KATNAL1: variants seen among roughly 807,000 people sequenced by gnomAD.
KATNAL1 encodes katanin catalytic subunit A1 like 1.
KATNAL1 carries 32 observed loss-of-function variants against 55.2 expected under a neutral mutation model. That is an observed-to-expected ratio of 0.58 (90% CI 0.44 to 0.78). KATNAL1 has a LOEUF of 0.78. Among genes scored for constraint, KATNAL1 ranks in the 30% least tolerant of loss-of-function variants. KATNAL1 has a pLI of 0.00. For missense variants in KATNAL1, 466 were observed against 600.9 expected (o/e 0.78, Z 2.35); for synonymous variants, 193 against 193.6 (o/e 1.00, Z 0.02).
intron 3 of KATNAL1, among the ~76,000 whole-genome samples, chr13:30,277,046 T>C (rs910871887): frequency 6.6e-6 from 1 of 152,240 alleles, no homozygotes; most frequent in African/African-American, 2.4e-5. Flanking sequence ...AATTATTAGC[T>C]ATCATCCTTT....
At chr13:30,298,358 G>A (rs1345216178) in intron 1 of KATNAL1, among the ~76,000 whole-genome samples, 1 of 152,132 alleles carries the variant, frequency 6.6e-6, no homozygotes, top group Non-Finnish European at 1.5e-5. Flanking sequence ...TTTTATTGCT[G>A]AGTAGTATCC....
intron 3 of KATNAL1, among the ~76,000 whole-genome samples, chr13:30,265,615 A>G (rs1879700651): frequency 6.6e-6 from 1 of 152,046 alleles, no homozygotes; most frequent in Non-Finnish European, 1.5e-5. Flanking sequence ...TATGCAAAAA[A>G]TAAGTTTTTC....
At chr13:30,218,183 G>GATGTGAACTTGCAGTAAATT (rs1234615372) in intron 9 of KATNAL1, among the ~76,000 whole-genome samples, 6 of 140,028 alleles carry the variant, frequency 4.3e-5, no homozygotes, top group Non-Finnish European at 7.6e-5. Flanking sequence ...GGATACATAA[G>GATGTGAACTTGCAGTAAATT]ATGTGAACTT....
chr13:30,250,025 T>A (rs1878153973), intron 4 of KATNAL1, among the ~76,000 whole-genome samples: 3 of 152,208 alleles, frequency 2.0e-5, no homozygotes, highest in Admixed American at 2.0e-4. Context: ...TTACCTATTA[T>A]CTTGAGGTTC....
Position 30,208,582 on chromosome 13 carries a change from C to T in KATNAL1, c.1431G>A (p.Leu477=). The T allele has an allele frequency of 6.2e-7, 1 of 1,609,850 alleles. No individual in the cohort carries two copies. The highest frequency in any genetic ancestry group is 8.5e-7 in the Non-Finnish European group (1 of 1,178,010). The change falls in exon 11 of 11, where the codon TTG becomes TTA. Residue 477 remains leucine (L), a synonymous_variant. Transcript: ENST00000380615. ...CAACCATCCATTTTTCATACTTCTC[C>T]AAGTCTGCAGCAGAGACAGACTTAG... ...KIAKSVSAAD[L]EKYEKWMVEF... is the part of the protein sequence containing the mutation.
chr13:30,206,955 T>A lies in KATNAL1; in HGVS notation c.*1585A>T, dbSNP rs997405695. 6.6e-6 allele frequency: 1 copy of A among 152,194 alleles called. No homozygotes were observed. The highest frequency in any genetic ancestry group is 1.5e-5 in the Non-Finnish European group (1 of 68,030). The allele number at this position is 152,194 out of a possible 1,614,324, so 9.4% of individuals were successfully genotyped here. A position where few individuals can be genotyped will look rare whatever the true frequency, so the allele number is the denominator to read the frequency against. On this transcript the variant is annotated 3_prime_UTR_variant, in exon 11 of 11. Coordinates refer to ENST00000380615, the MANE Select transcript of KATNAL1 (RefSeq NM_032116.5). ...AAGAAGGGCAATTTACAGCATCAGA[T>A]GAATACTGGAGTTTAGGTCAGACTT...
chr13:30,220,078 G>A (rs1874693724), intron 9 of KATNAL1, among the ~76,000 whole-genome samples: 1 of 152,016 alleles, frequency 6.6e-6, no homozygotes, highest in Non-Finnish European at 1.5e-5. Context: ...TCCCTCCACT[G>A]GTATCAATTT....
intron 1 of KATNAL1, among the ~76,000 whole-genome samples, chr13:30,291,248 A>G (rs941167458): frequency 6.6e-6 from 1 of 152,264 alleles, no homozygotes; most frequent in Admixed American, 6.5e-5. Flanking sequence ...AGGTTGCAGC[A>G]TAAGAGGTCA....
intron 3 of KATNAL1, among the ~76,000 whole-genome samples, chr13:30,274,895 GCGCGCGCGCGCGCACACAC>G (rs1397998081): frequency 9.2e-5 from 9 of 98,144 alleles, no homozygotes; most frequent in African/African-American, 4.3e-4. Flanking sequence ...ACACATACGC[GCGCGCGCGCGCGCACACAC>G]ACACACACAC....
chr13:30,241,115 A>G (rs750078393), intron 4 of KATNAL1, 29 bp from the exon 5 acceptor site: 2 of 1,594,558 alleles, frequency 1.3e-6, no homozygotes, highest in South Asian at 1.1e-5. Context: ...AAAAAGTACT[A>G]GTCAGTAATG....
Position 30,208,193 on chromosome 13 carries a change from G to GAA in KATNAL1, c.*345_*346dup, listed in dbSNP as rs71747871. The GAA allele has an allele frequency of 1.1e-4, 19 of 168,426 alleles. No individual in the cohort carries two copies. The highest frequency in any genetic ancestry group is 3.7e-4 in the South Asian group (2 of 5,376). The allele number at this position is 168,426 out of a possible 1,614,324, so 10.4% of individuals were successfully genotyped here. On this transcript the variant is annotated 3_prime_UTR_variant, in exon 11 of 11. Transcript: ENST00000380615. Reference sequence around the variant, plus strand: ...CTCATGTTGACAGAGCACAGAATTGGAAAAAAAAACTGCAAATGAGAAATA... The same window carrying GAA: ...CTCATGTTGACAGAGCACAGAATTGGAAAAAAAAAAACTGCAAATGAGAAATA...
chr13:30,205,923 ATAGTGTGTG>A lies in KATNAL1; in HGVS notation c.*2608_*2616del. 9.3e-6 allele frequency: 1 copy of A among 107,164 alleles called. No homozygotes were observed. Among genetic ancestry groups the A allele is most frequent in the Admixed American group, 1.0e-4 (1 of 9,798 alleles). The allele number at this position is 107,164 out of a possible 1,614,324, so 6.6% of individuals were successfully genotyped here. A position where few individuals can be genotyped will look rare whatever the true frequency, so the allele number is the denominator to read the frequency against. On this transcript the variant is annotated 3_prime_UTR_variant, in exon 11 of 11. Coordinates refer to ENST00000380615, the MANE Select transcript of KATNAL1 (RefSeq NM_032116.5). ...GTAAGGCAACACACTGTCTTCTGAA[ATAGTGTGTG>A]TGTGTGTGTGTGTGTGTGTGTGTGT...
chr13:30,233,333 A>G (rs1327033403), intron 6 of KATNAL1, among the ~76,000 whole-genome samples: 1 of 152,202 alleles, frequency 6.6e-6, no homozygotes, highest in Non-Finnish European at 1.5e-5. Flanking sequence ...AGACATACAA[A>G]TGTCCAATAG....
At chr13:30,221,680 A>G (rs900251261) in intron 9 of KATNAL1, among the ~76,000 whole-genome samples, 1 of 152,228 alleles carries the variant, frequency 6.6e-6, no homozygotes, top group East Asian at 1.9e-4. Flanking sequence ...GCGTAGCTAG[A>G]AAGTTCCAGC....
intron 3 of KATNAL1, among the ~76,000 whole-genome samples, chr13:30,274,891 ACGCGCGCGCG>A (rs138328965): frequency 3.0e-4 from 37 of 122,196 alleles, no homozygotes; most frequent in South Asian, 1.5e-3. Context: ...GCACACACAT[ACGCGCGCGCG>A]CGCGCGCACA....
At chr13:30,223,980 A>G (rs1223109086) in intron 9 of KATNAL1, among the ~76,000 whole-genome samples, 1 of 152,224 alleles carries the variant, frequency 6.6e-6, no homozygotes, top group Admixed American at 6.5e-5. Flanking sequence ...AAGAAGTTCA[A>G]AAATTGACAT....
intron 4 of KATNAL1, among the ~76,000 whole-genome samples, chr13:30,244,167 G>A (rs148350553): frequency 0.01 from 1,533 of 151,798 alleles, 23 homozygotes; most frequent in African/African-American, 0.034. Flanking sequence ...ACTTATGAGT[G>A]AGAATATGTA....
At chr13:30,224,628 C>CA (rs1296538169) in intron 9 of KATNAL1, among the ~76,000 whole-genome samples, 5 of 144,842 alleles carry the variant, frequency 3.5e-5, no homozygotes, top group African/African-American at 5.1e-5. Flanking sequence ...AAGTGTAAAG[C>CA]AAAAAAAAAA....
Position 30,207,855 on chromosome 13 carries a change from TG to T in KATNAL1, c.*684del, listed in dbSNP as rs1873293426. On this transcript the variant is annotated 3_prime_UTR_variant, in exon 11 of 11. Transcript: ENST00000380615. ...ATTCTTCCCACCTTTCCATATTAAA[TG>T]TAAGAAGCACCAGCAAAAAATACTA... 1 of 152,152 alleles carries T rather than the reference TG, an allele frequency of 6.6e-6. No homozygotes were observed. Among genetic ancestry groups the T allele is most frequent in the South Asian group, 2.1e-4 (1 of 4,822 alleles). The allele number at this position is 152,152 out of a possible 1,614,324, so 9.4% of individuals were successfully genotyped here. A position where few individuals can be genotyped will look rare whatever the true frequency, so the allele number is the denominator to read the frequency against.
Sources: gnomAD v4.1 joint callset for allele counts (sites outside exome capture counted in the v4.1 genomes callset) on GRCh38, gnomAD v4.1.1 for gene constraint, MANE v1.5 for transcripts, NCBI Gene and HGNC (gene_info 2026-07-23, HGNC 2026-07-21) for gene names.